The following ARID1B variants were observed in gnomAD, a reference collection of about 807,000 sequenced individuals.
The protein encoded by ARID1B is AT-rich interactive domain-containing protein 1B.
A neutral mutation model predicts 212.3 loss-of-function variants in ARID1B; 30 were observed. The observed-to-expected ratio is 0.14, with a 90% CI of 0.11 to 0.19. The LOEUF (loss-of-function observed/expected upper bound fraction) is 0.19. Ranked by LOEUF, ARID1B falls within the 10% of genes least tolerant of loss-of-function variation. The pLI is 1.00. For synonymous variants in ARID1B, 1,402 were observed against 1,301.7 expected (o/e 1.08, Z -1.66); for missense variants, 2,891 against 3,204.0 (o/e 0.90, Z 2.36).
At chr6:156,908,468 G>T (rs2128222255) in intron 3 of ARID1B, among the ~76,000 whole-genome samples, 1 of 151,998 alleles carries the variant, frequency 6.6e-6, no homozygotes, top group African/African-American at 2.4e-5. Context: ...GGTCTTTATT[G>T]TCTGTATTGT....
intron 2 of ARID1B, among the ~76,000 whole-genome samples, chr6:156,873,605 T>C (rs1394896698): frequency 6.6e-6 from 1 of 152,254 alleles, no homozygotes; most frequent in Admixed American, 6.5e-5. Flanking sequence ...TATGGTTGGC[T>C]GCGTGCAGAG....
At position 156,984,174 on chromosome 6, in the gene ARID1B, A is replaced by G. The variant is rs187802915; in HGVS notation, c.2247+48598A>G. The stretch of plus-strand genomic sequence containing the variant: ...AGCGTCTCCAGGAGGTATCAGGACA[A>G]ACCTTGGAGATGGGAAACAGCACAG... On this transcript the variant is annotated intron_variant, in intron 4 of 19. Coordinates refer to ENST00000636930, the MANE Select transcript of ARID1B (RefSeq NM_001374828.1). Among the ~76,000 whole-genome samples the G allele has an allele frequency of 1.5e-3, 231 of 152,224 alleles. 1 individual carries two copies. The highest frequency in any genetic ancestry group is 5.1e-3 in the African/African-American group (213 of 41,532).
chr6:156,827,502 T>C (rs1782821596), intron 1 of ARID1B, among the ~76,000 whole-genome samples: 1 of 152,220 alleles, frequency 6.6e-6, no homozygotes, highest in Admixed American at 6.5e-5. Context: ...AGCAGTCCTG[T>C]GTTCATCTGT....
At chr6:157,018,286 G>C (rs1302383406) in intron 4 of ARID1B, among the ~76,000 whole-genome samples, 1 of 127,312 alleles carries the variant, frequency 7.9e-6, no homozygotes. Flanking sequence ...GTACAACCTC[G>C]GCTCACTGCA....
intron 8 of ARID1B, among the ~76,000 whole-genome samples, chr6:157,154,861 A>G (rs897990454): frequency 6.6e-6 from 1 of 152,100 alleles, no homozygotes; most frequent in African/African-American, 2.4e-5. Flanking sequence ...GATTACAGGC[A>G]TGAGCTACTG....
At position 156,779,459 on chromosome 6, in the gene ARID1B, G is replaced by T. The variant is rs749761849; in HGVS notation, c.1779G>T (p.Met593Ile). 1.4e-6 allele frequency: 2 copies of T among 1,422,722 alleles called. No individual in the cohort carries two copies. The highest frequency in any genetic ancestry group is 3.0e-5 in the East Asian group (1 of 33,486). The allele number at this position is 1,422,722 out of a possible 1,614,324, so 88.1% of individuals were successfully genotyped here. A position where few individuals can be genotyped will look rare whatever the true frequency, so the allele number is the denominator to read the frequency against. Residue 593 changes from methionine (M) to isoleucine (I), a missense_variant, in exon 1 of 20, where the codon ATG (methionine) becomes ATT (isoleucine). By Grantham distance (10) the Met-to-Ile change is conservative (BLOSUM62 1). This residue lies in a region of ARID1B where 1,643 missense variants were observed against 1,544.0 expected (regional missense o/e 1.06). Coordinates refer to ENST00000636930, the MANE Select transcript of ARID1B (RefSeq NM_001374828.1). ...AMSPGTPGPT[M>I]GRSQGSPMDP... is the part of the protein sequence containing the mutation. ...GCCCCGGCACCCCCGGACCGACCATGGGCAGATCCCAGGTAACCCTCGCGC... is the reference window on the plus strand; with the variant it reads ...GCCCCGGCACCCCCGGACCGACCATTGGCAGATCCCAGGTAACCCTCGCGC...
intron 2 of ARID1B, among the ~76,000 whole-genome samples, chr6:156,873,104 G>C (rs1786278613): frequency 6.6e-6 from 1 of 152,190 alleles, no homozygotes; most frequent in Non-Finnish European, 1.5e-5. Context: ...CACGCCAGCA[G>C]CCCCGTGCAT....
intron 15 of ARID1B, chr6:157,194,762 T>C (rs1479446559): frequency 6.6e-6 from 1 of 152,240 alleles, no homozygotes; most frequent in Non-Finnish European, 1.5e-5. Flanking sequence ...ACTAACTTTG[T>C]ATACATATTT....
chr6:157,036,578 A>G (rs1336227772), intron 4 of ARID1B: 2 of 301,112 alleles, frequency 6.6e-6, no homozygotes, highest in Admixed American at 8.7e-5. Flanking sequence ...TTCAACCACT[A>G]CGTCCACATG....
At chr6:156,905,250 G>GCACACACACACACACA (rs138326649) in intron 3 of ARID1B, among the ~76,000 whole-genome samples, 2,164 of 143,792 alleles carry the variant, frequency 0.015, 30 homozygotes, top group African/African-American at 0.027. Context: ...ACATATGCAC[G>GCACACACACACACACA]CACACACACA....
intron 6 of ARID1B, chr6:157,111,080 G>A (rs1786876284): frequency 6.4e-6 from 1 of 155,768 alleles, no homozygotes; most frequent in Non-Finnish European, 1.4e-5. Context: ...CAACTGGGGA[G>A]TGTAGCGGTT....
chr6:157,072,833 G>A (rs759343185), intron 4 of ARID1B, among the ~76,000 whole-genome samples: 1 of 152,190 alleles, frequency 6.6e-6, no homozygotes, highest in African/African-American at 2.4e-5. Flanking sequence ...CTGAGGCTTA[G>A]AGATGTTAAA....
chr6:157,077,295 C>T (rs1013218791), intron 4 of ARID1B, among the ~76,000 whole-genome samples: 16 of 152,162 alleles, frequency 1.1e-4, no homozygotes, highest in African/African-American at 3.9e-4. Flanking sequence ...TTAGTCTCTT[C>T]GTTGGCACCT....
chr6:156,797,231 A>G (rs1206379496), intron 1 of ARID1B, among the ~76,000 whole-genome samples: 1 of 152,222 alleles, frequency 6.6e-6, no homozygotes, highest in Admixed American at 6.5e-5. Context: ...CTTACCTTCC[A>G]GAGAAATTTA....
chr6:157,019,008 A>G (rs926025790), intron 4 of ARID1B, among the ~76,000 whole-genome samples: 1 of 152,228 alleles, frequency 6.6e-6, no homozygotes, highest in African/African-American at 2.4e-5. Flanking sequence ...CACAGAAATC[A>G]TGACAGGGTG....
chr6:156,945,191 A>T (rs575657036), intron 4 of ARID1B, among the ~76,000 whole-genome samples: 1,303 of 102,250 alleles, frequency 0.013, 14 homozygotes, highest in Admixed American at 0.021. Flanking sequence ...CGCCTCTGCC[A>T]CCCAAAGTAC....
intron 4 of ARID1B, among the ~76,000 whole-genome samples, chr6:156,996,138 T>C (rs535349113): frequency 1.4e-4 from 22 of 152,342 alleles, no homozygotes; most frequent in African/African-American, 5.3e-4. Flanking sequence ...AAAATCTTAA[T>C]TTTTCTTAAT....
intron 3 of ARID1B, among the ~76,000 whole-genome samples, chr6:156,925,363 G>T (rs1582960352): frequency 6.6e-6 from 1 of 152,048 alleles, no homozygotes; most frequent in Admixed American, 6.6e-5. Flanking sequence ...ATGGTTTTTT[G>T]TTGGGTATGG....
In ARID1B at chr6:157,190,041, C is replaced by T. The variant is rs369035728; in HGVS notation, c.4062C>T (p.Ser1354=). The T allele has an allele frequency of 3.7e-6, 6 of 1,613,456 alleles. No individual in the cohort carries two copies. In the African/African-American group the frequency reaches 6.7e-5, roughly 18 times the overall value. ...GQMTPMQGGR[S]STISVHDPFS... Reference sequence around the variant, plus strand: ...TTCATTCTTTGCCTCTCTTCAGAAGCAGTACAATCAGTGTGCACGACCCAT... The same window carrying T: ...TTCATTCTTTGCCTCTCTTCAGAAGTAGTACAATCAGTGTGCACGACCCAT... Residue 1354 remains serine, a synonymous_variant, in exon 15 of 20, where the codon AGC becomes AGT. Transcript: ENST00000636930. This position sits in a 1 kb window ranked among gnomAD's most constrained non-coding sequence, Gnocchi z 4.6.
Sources: gnomAD v4.1 joint callset for allele counts (sites outside exome capture counted in the v4.1 genomes callset) on GRCh38, gnomAD v4.1.1 for gene constraint, gnomAD v4.1.1 regional missense constraint, Gnocchi (gnomAD v3.1) non-coding constraint, MANE v1.5 for transcripts, NCBI Gene and HGNC (gene_info 2026-07-23, HGNC 2026-07-21) for gene names.